Variants in FRMPD4 observed in about 807,000 individuals in gnomAD.
FRMPD4 encodes the protein FERM and PDZ domain-containing protein 4.
Under a neutral mutation model 94.1 loss-of-function variants are expected in FRMPD4, and 22 were observed. The ratio of observed to expected loss-of-function variants is 0.23; its 90% CI spans 0.17 to 0.33. FRMPD4 has a LOEUF of 0.33. Ranked by LOEUF, FRMPD4 falls within the 10% of genes least tolerant of loss-of-function variation. FRMPD4 has a pLI of 1.00. For missense variants in FRMPD4, 1,111 were observed against 1,339.9 expected, an observed-to-expected ratio of 0.83 and a Z score of 2.67; for synonymous variants, 631 against 548.6, an observed-to-expected ratio of 1.15 and a Z score of -2.10.
intron 1 of FRMPD4, among the ~76,000 whole-genome samples, chrX:12,360,134 T>C: frequency 8.9e-6 from 1 of 112,750 alleles, no homozygotes; most frequent in East Asian, 2.8e-4. Flanking sequence ...ACAAACATAG[T>C]GGTTCAGGTA....
rs779397428 is a variant in FRMPD4, at chrX:12,346,791, G to A, written c.42-151889G>A. Among the ~76,000 whole-genome samples, 26 of 111,886 alleles carry A rather than the reference G, an allele frequency of 2.3e-4. No homozygotes were observed. In the East Asian group the frequency reaches 6.7e-3, roughly 29 times the overall value. Reference sequence around the variant, plus strand: ...CTTTCATTATTTCCCAAAATAATACGATAATAATATCCCCTTCTCTTAAAA... The same window carrying A: ...CTTTCATTATTTCCCAAAATAATACAATAATAATATCCCCTTCTCTTAAAA... On this transcript the variant is annotated intron_variant, in intron 1 of 16. Coordinates refer to ENST00000675598, the MANE Select transcript of FRMPD4 (RefSeq NM_001368397.1).
At chrX:12,435,350 T>G (rs1469054176) in intron 1 of FRMPD4, among the ~76,000 whole-genome samples, 1 of 111,871 alleles carries the variant, frequency 8.9e-6, no homozygotes, top group Non-Finnish European at 1.9e-5. Flanking sequence ...ATATTGAATA[T>G]CTATTGTATA....
chrX:11,832,049 T>C (rs899668243), intron 1 of FRMPD4, among the ~76,000 whole-genome samples: 2 of 111,707 alleles, frequency 1.8e-5, no homozygotes, highest in African/African-American at 3.3e-5. Context: ...CCCTGCACAG[T>C]GGTAGCCTCA....
chrX:12,494,999 C>T, intron 1 of FRMPD4: 2 of 718,161 alleles, frequency 2.8e-6, no homozygotes, highest in African/African-American at 4.6e-5. Flanking sequence ...ATTGCAAGAA[C>T]TCTCAAGGCC....
chrX:12,095,686 C>A (rs1031225257), intron 3 of FRMPD4, among the ~76,000 whole-genome samples: 5 of 111,907 alleles, frequency 4.5e-5, no homozygotes, highest in Non-Finnish European at 9.4e-5. Flanking sequence ...TAAGCCACCT[C>A]CCCTGTTGTC....
In FRMPD4 at chrX:12,133,209, ATTTATTTTATTTTATTTTAT is replaced by A. The variant is rs60859880; in HGVS notation, c.95+255215_95+255234del. On this transcript the variant is annotated intron_variant, in intron 3 of 18. Coordinates refer to the FRMPD4 transcript ENST00000640291. ...GGTAAAACCCTTCTGGTTTCTAAAAATTTATTTTATTTTATTTTATTTTATTTTATTTTATTTTATTTTTT... is the reference window on the plus strand; with the variant it reads ...GGTAAAACCCTTCTGGTTTCTAAAAATTTATTTTATTTTATTTTATTTTTT... 4.2e-4 allele frequency among the ~76,000 whole-genome samples: 41 copies of A among 98,159 alleles called. No homozygotes were observed. The East Asian group carries it at 8.2e-3, about 20-fold the overall frequency. 85.2% of individuals were successfully genotyped at this position (98,159 alleles called of 115,157 possible). A position where few individuals can be genotyped will look rare whatever the true frequency, so the allele number is the denominator to read the frequency against.
intron 1 of FRMPD4, among the ~76,000 whole-genome samples, chrX:12,222,953 A>G (rs986647183): frequency 2.7e-5 from 3 of 112,287 alleles, no homozygotes; most frequent in Non-Finnish European, 5.6e-5. Flanking sequence ...TGTTATGTAC[A>G]TGTGCATAGA....
At chrX:11,953,535 G>T (rs2054237394) in intron 3 of FRMPD4, among the ~76,000 whole-genome samples, 1 of 110,586 alleles carries the variant, frequency 9.0e-6, no homozygotes, top group African/African-American at 3.3e-5. Context: ...TATTCAAAAG[G>T]ACTATTTCGA....
In FRMPD4 at chrX:12,179,885, T is replaced by TA. The variant is rs199996828; in HGVS notation, c.41+40873_41+40874insA. 4.3e-4 allele frequency among the ~76,000 whole-genome samples: 43 copies of TA among 100,725 alleles called. No individual in the cohort carries two copies. In the East Asian group the frequency reaches 0.011, roughly 25 times the overall value. 87.5% of individuals were successfully genotyped at this position (100,725 alleles called of 115,157 possible). On this transcript the variant is annotated intron_variant, in intron 1 of 16. Transcript: ENST00000675598. ...TTGCTAACCTAGCCTTTTTTTTTTTTTAAAGTATATTTGTTTCTTTCCCAG... is the reference window on the plus strand; with the variant it reads ...TTGCTAACCTAGCCTTTTTTTTTTTTATAAAGTATATTTGTTTCTTTCCCAG...
intron 3 of FRMPD4, among the ~76,000 whole-genome samples, chrX:12,034,113 T>C (rs1490232312): frequency 8.9e-6 from 1 of 112,410 alleles, no homozygotes; most frequent in Non-Finnish European, 1.9e-5. Context: ...GAGGAGACTA[T>C]GCAGATTTCA....
chrX:12,213,018 T>G (rs753768582), intron 1 of FRMPD4, among the ~76,000 whole-genome samples: 2 of 111,646 alleles, frequency 1.8e-5, no homozygotes, highest in African/African-American at 6.5e-5. Context: ...CCTAAGGCTC[T>G]GGATCAAGTC....
chrX:11,914,587 C>A (rs2054014606), intron 3 of FRMPD4, among the ~76,000 whole-genome samples: 1 of 111,756 alleles, frequency 8.9e-6, no homozygotes, highest in Non-Finnish European at 1.9e-5. Context: ...CTGTTGTATG[C>A]GTGTGTTGTA....
At chrX:12,410,529 G>A (rs1183168887) in intron 1 of FRMPD4, among the ~76,000 whole-genome samples, 1 of 109,810 alleles carries the variant, frequency 9.1e-6, no homozygotes, top group South Asian at 3.8e-4. Flanking sequence ...TTTTATTATG[G>A]AGTCATAAAA....
At chrX:11,925,880 C>G (rs1408605813) in intron 3 of FRMPD4, among the ~76,000 whole-genome samples, 1 of 110,893 alleles carries the variant, frequency 9.0e-6, no homozygotes, top group Non-Finnish European at 1.9e-5. Flanking sequence ...CCAAAGCTAG[C>G]AGACGACAAT....
At chrX:12,220,709 A>G (rs1330921026) in intron 1 of FRMPD4, among the ~76,000 whole-genome samples, 1 of 112,173 alleles carries the variant, frequency 8.9e-6, no homozygotes, top group Non-Finnish European at 1.9e-5. Context: ...TTACTAAATT[A>G]TAACCTAGAA....
intron 4 of FRMPD4, among the ~76,000 whole-genome samples, chrX:12,667,710 A>G (rs1433698063): frequency 2.7e-5 from 3 of 111,970 alleles, no homozygotes; most frequent in African/African-American, 9.7e-5. Flanking sequence ...ATGGTATATA[A>G]TGCCAAAGCA....
At chrX:12,502,726 C>T (rs766808651) in intron 2 of FRMPD4, among the ~76,000 whole-genome samples, 1 of 111,568 alleles carries the variant, frequency 9.0e-6, no homozygotes, top group South Asian at 3.8e-4. Flanking sequence ...AGTATTAATA[C>T]AGAGATAGAT....
chrX:12,161,074 T>C (rs1398041540), intron 1 of FRMPD4, among the ~76,000 whole-genome samples: 1 of 111,744 alleles, frequency 8.9e-6, no homozygotes, highest in East Asian at 2.8e-4. Flanking sequence ...TTGCTGCTGC[T>C]GCTGCTACTA....
intron 1 of FRMPD4, among the ~76,000 whole-genome samples, chrX:12,417,053 G>A (rs1193686888): frequency 9.0e-6 from 1 of 111,148 alleles, no homozygotes; most frequent in Non-Finnish European, 1.9e-5. Context: ...TCTTCCGGGA[G>A]GGCGTGTCTG....
Sources: allele counts gnomAD v4.1 joint callset (sites outside exome capture counted in the v4.1 genomes callset), GRCh38; gene constraint gnomAD v4.1.1; transcripts MANE v1.5; gene names NCBI Gene and HGNC (gene_info 2026-07-23, HGNC 2026-07-21).